The following CEACAM16 variants were observed in gnomAD, a reference collection of about 807,000 sequenced individuals.
The protein encoded by CEACAM16 is CEA cell adhesion molecule 16, tectorial membrane component.
A neutral mutation model predicts 39.4 loss-of-function variants in CEACAM16; 30 were observed. The ratio of observed to expected loss-of-function variants is 0.76; its 90% CI spans 0.57 to 1.03. The LOEUF is 1.03. Among genes scored for constraint, CEACAM16 ranks in the 50% least tolerant of loss-of-function variants. The pLI, the probability that CEACAM16 is intolerant of heterozygous loss-of-function variation, is 0.00. For missense variants in CEACAM16, 521 were observed against 585.3 expected, an observed-to-expected ratio of 0.89 and a Z score of 1.13; for synonymous variants, 262 against 264.9, an observed-to-expected ratio of 0.99 and a Z score of 0.11.
chr19:44,707,374 A>G (rs766767587), intron 5 of CEACAM16, among the ~76,000 whole-genome samples: 18 of 152,120 alleles, frequency 1.2e-4, no homozygotes, highest in Non-Finnish European at 1.9e-4. Context: ...GGAATTTTCA[A>G]TCTGATGGAG....
chr19:44,702,496 C>T (rs1974362864), intron 2 of CEACAM16, among the ~76,000 whole-genome samples: 2 of 152,254 alleles, frequency 1.3e-5, no homozygotes, highest in African/African-American at 4.8e-5. Flanking sequence ...GCTGGCCAGC[C>T]ATGTCAGTCC....
Position 44,703,248 on chromosome 19 carries a change from A to C in CEACAM16, c.38-101A>C. The C allele has an allele frequency of 4.8e-6, 5 of 1,051,630 alleles. No individual in the cohort carries two copies. The South Asian group carries it at 8.1e-5, about 17-fold the overall frequency. The allele number at this position is 1,051,630 out of a possible 1,614,324, so 65.1% of individuals were successfully genotyped here. On this transcript the variant is annotated intron_variant, in intron 2 of 6. Transcript: ENST00000587331. ...GCCTGTCCTCATTTACACAGAGGAC[A>C]CTGGGCTGGGGACATGCCCCGAGCC... is the stretch of plus-strand genomic sequence containing the variant.
intron 4 of CEACAM16, 83 bp downstream of exon 4, chr19:44,704,379 G>A (rs1209106765): frequency 4.9e-6 from 7 of 1,415,286 alleles, no homozygotes; most frequent in Non-Finnish European, 9.3e-7. Flanking sequence ...GGGGGCCTAA[G>A]GGCACACAGC....
Position 44,701,336 on chromosome 19 carries a change from G to A in CEACAM16, c.-96-25G>A, listed in dbSNP as rs769516325. 67 of 1,072,658 alleles carry A rather than the reference G, an allele frequency of 6.2e-5. No individual in the cohort carries two copies. Among genetic ancestry groups the A allele is most frequent in the Non-Finnish European group, 8.8e-5 (63 of 711,920 alleles). 66.4% of individuals were successfully genotyped at this position (1,072,658 alleles called of 1,614,324 possible). On this transcript the variant is annotated intron_variant, in intron 1 of 6. Coordinates refer to ENST00000587331, the MANE Select transcript of CEACAM16 (RefSeq NM_001039213.4). This position sits in a 1 kb window ranked among gnomAD's most constrained non-coding sequence, Gnocchi z 4.0. ...CTCCAAATTCAGGTGATCTCCCCTG[G>A]CTCCAAATCACCAAACCCTCCCAGG...
At position 44,701,513 on chromosome 19, in the gene CEACAM16, C is replaced by G; in HGVS notation, c.37+20C>G. The G allele has an allele frequency of 6.4e-7, 1 of 1,558,904 alleles. No individual in the cohort carries two copies. The highest frequency in any genetic ancestry group is 8.7e-7 in the Non-Finnish European group (1 of 1,151,130). On this transcript the variant is annotated intron_variant, in intron 2 of 6. Coordinates refer to ENST00000587331, the MANE Select transcript of CEACAM16 (RefSeq NM_001039213.4). This position sits in a 1 kb window ranked among gnomAD's most constrained non-coding sequence, Gnocchi z 4.0. ...TCAGTGGTGAGCGAGAATGGCACCC[C>G]CCAGCACCTCAGCCCCCCGAGGACC...
chr19:44,707,576 G>A (rs1244749118), intron 5 of CEACAM16, among the ~76,000 whole-genome samples: 3 of 152,186 alleles, frequency 2.0e-5, no homozygotes, highest in Admixed American at 2.0e-4. Flanking sequence ...CAATCTGATG[G>A]AGGAGACATG....
rs573166898 is a variant in CEACAM16, at chr19:44,701,089, G to A, written c.-96-272G>A. On this transcript the variant is annotated intron_variant, in intron 1 of 6. Transcript: ENST00000587331. This position sits in a 1 kb window ranked among gnomAD's most constrained non-coding sequence, Gnocchi z 4.0. ...CTCCCAGGCTCTCTGAGGAGGCCAC[G>A]GGCCTGGGTGGTTGGTAAGAACTAC... Among the ~76,000 whole-genome samples the A allele has an allele frequency of 1.0e-3, 153 of 152,310 alleles. 1 individual carries two copies. Among genetic ancestry groups the A allele is most frequent in the African/African-American group, 3.5e-3 (147 of 41,564 alleles).
Position 44,708,140 on chromosome 19 carries a change from C to T in CEACAM16, c.1220C>T (p.Thr407Ile). 6.2e-7 allele frequency: 1 copy of T among 1,602,794 alleles called. No homozygotes were observed. Among genetic ancestry groups the T allele is most frequent in the Non-Finnish European group, 8.5e-7 (1 of 1,173,682 alleles). The change falls in exon 6 of 7, where the codon ACA (threonine) becomes ATA (isoleucine). Residue 407 changes from threonine (T) to isoleucine (I), a missense_variant. By Grantham distance (89) the Thr-to-Ile change is moderately conservative. Transcript: ENST00000587331. ...GGCCGCTACACACTCAAGACTGTCACAGTGCAGGGCAAGACTGAGACACTG... is the reference window on the plus strand; with the variant it reads ...GGCCGCTACACACTCAAGACTGTCATAGTGCAGGGCAAGACTGAGACACTG... The part of the protein sequence containing the change: ...DTGRYTLKTV[T>I]VQGKTETLEV...
chr19:44,709,932 G>A (rs1256890836), intron 6 of CEACAM16, among the ~76,000 whole-genome samples: 1 of 152,236 alleles, frequency 6.6e-6, no homozygotes, highest in African/African-American at 2.4e-5. Context: ...CCCAGAGTCA[G>A]GGTCCATGTA....
Position 44,705,737 on chromosome 19 carries a change from C to T in CEACAM16, c.809C>T (p.Ala270Val), listed in dbSNP as rs780346265. The change falls in exon 5 of 7, where the codon GCC becomes GTC. Residue 270 changes from alanine to valine, a missense_variant. Ala to Val is a moderately conservative substitution (Grantham distance 64). Transcript: ENST00000587331. ...TATGTGTGGACCTTCAACGGGCAGG[C>T]CCTAAAGAACGGCCAAGACCACCTC... ...PEYVWTFNGQALKNGQDHLNI... is the reference protein window; with the variant it reads ...PEYVWTFNGQVLKNGQDHLNI... The T allele has an allele frequency of 2.5e-6, 4 of 1,614,028 alleles. No homozygotes were observed. The Middle Eastern group carries it at 4.9e-4, about 200-fold the overall frequency.
Position 44,703,681 on chromosome 19 carries a change from G to T in CEACAM16, c.370G>T (p.Val124Leu), listed in dbSNP as rs577689341. Residue 124 changes from valine (V) to leucine (L), a missense_variant, in exon 3 of 7, where the codon GTG (valine) becomes TTG (leucine). Val to Leu is a conservative substitution (Grantham distance 32). Coordinates refer to ENST00000587331, the MANE Select transcript of CEACAM16 (RefSeq NM_001039213.4). ...GCAGACCGAGGTGGGCTACGGACACGTGCAGGTCCATGGTGAGACACCCCC... is the reference window on the plus strand; with the variant it reads ...GCAGACCGAGGTGGGCTACGGACACTTGCAGGTCCATGGTGAGACACCCCC... Reference protein sequence around the residue: ...QLQTEVGYGHVQVHEILAQPT... With the variant: ...QLQTEVGYGHLQVHEILAQPT... The T allele has an allele frequency of 6.5e-7, 1 of 1,540,602 alleles. No individual in the cohort carries two copies. The highest frequency in any genetic ancestry group is 8.8e-7 in the Non-Finnish European group (1 of 1,138,272).
At position 44,707,853 on chromosome 19, in the gene CEACAM16, C is replaced by T. The variant is rs876657441; in HGVS notation, c.941-8C>T. ...CAAACTGACCCAGCCCGCTCGCTCTCTCCCCAGCTGCAGCAGTTGCCACGA... is the reference window on the plus strand; with the variant it reads ...CAAACTGACCCAGCCCGCTCGCTCTTTCCCCAGCTGCAGCAGTTGCCACGA... On this transcript the variant is annotated splice_region_variant and splice_polypyrimidine_tract_variant and intron_variant, in intron 5 of 6. Transcript: ENST00000587331. The T allele has an allele frequency of 1.3e-6, 2 of 1,530,120 alleles. No individual in the cohort carries two copies. The highest frequency in any genetic ancestry group is 2.7e-5 in the African/African-American group (2 of 73,400). The allele number at this position is 1,530,120 out of a possible 1,614,324, so 94.8% of individuals were successfully genotyped here.
In CEACAM16 at chr19:44,708,204, G is replaced by T; in HGVS notation, c.1267+17G>T. On this transcript the variant is annotated intron_variant, in intron 6 of 6. Coordinates refer to ENST00000587331, the MANE Select transcript of CEACAM16 (RefSeq NM_001039213.4). The stretch of plus-strand genomic sequence containing the variant: ...AGGTGGCCCGTGAGTGTGTGGGAAG[G>T]GGCAAGGCGTGCCCCTTTTTAGACA... 1 of 1,528,720 alleles carries T rather than the reference G, an allele frequency of 6.5e-7. No individual in the cohort carries two copies. The highest frequency in any genetic ancestry group is 1.2e-5 in the South Asian group (1 of 82,070). 94.7% of individuals were successfully genotyped at this position (1,528,720 alleles called of 1,614,324 possible).
intron 5 of CEACAM16, 97 bp downstream of exon 5, chr19:44,705,965 A>G (rs969706924): frequency 1.9e-5 from 26 of 1,372,038 alleles, no homozygotes; most frequent in African/African-American, 2.9e-5. Flanking sequence ...GAATTGGAAC[A>G]TGGTAGATTC....
intron 2 of CEACAM16, among the ~76,000 whole-genome samples, chr19:44,702,047 C>T (rs1974355553): frequency 6.6e-6 from 1 of 152,136 alleles, no homozygotes; most frequent in African/African-American, 2.4e-5. Context: ...AATCCCAGCA[C>T]TTTGGGAGGC....
intron 5 of CEACAM16, among the ~76,000 whole-genome samples, chr19:44,707,306 C>T (rs574692471): frequency 1.3e-5 from 2 of 152,294 alleles, no homozygotes; most frequent in South Asian, 4.1e-4. Context: ...ATTGGAAAAA[C>T]TCAGCAACAA....
intron 5 of CEACAM16, among the ~76,000 whole-genome samples, chr19:44,706,700 CA>C (rs1477644294): frequency 3.9e-5 from 6 of 152,166 alleles, no homozygotes; most frequent in Non-Finnish European, 8.8e-5. Context: ...TGACAGGAGA[CA>C]GGGGGATGGA....
chr19:44,704,202 T>G lies in CEACAM16; in HGVS notation c.567T>G (p.His189Gln). ...CTGACGGCCGGGTGCTGGCCAGGCA[T>G]GGCATCCGCCGGGAGGAGGCCGGCG... ...LSPDGRVLAR[H>Q]GIRREEAGAY... Residue 189 changes from histidine (H) to glutamine (Q), a missense_variant, in exon 4 of 7, where the codon CAT becomes CAG. By Grantham distance (24) the His-to-Gln change is conservative. Transcript: ENST00000587331. The G allele has an allele frequency of 2.6e-6, 4 of 1,560,006 alleles. No individual in the cohort carries two copies. The highest frequency in any genetic ancestry group is 1.9e-5 in the Admixed American group (1 of 52,356).
At position 44,703,675 on chromosome 19, in the gene CEACAM16, G is replaced by T; in HGVS notation, c.364G>T (p.Gly122Ter). 6.4e-7 allele frequency: 1 copy of T among 1,554,650 alleles called. No individual in the cohort carries two copies. The highest frequency in any genetic ancestry group is 8.7e-7 in the Non-Finnish European group (1 of 1,146,680). ...GCAGTTGCAGACCGAGGTGGGCTACGGACACGTGCAGGTCCATGGTGAGAC... is the reference window on the plus strand; with the variant it reads ...GCAGTTGCAGACCGAGGTGGGCTACTGACACGTGCAGGTCCATGGTGAGAC... ...NRQLQTEVGY[G>*]HVQVHEILAQ... Residue 122 changes from glycine to a stop codon, truncating the protein, a stop_gained, in exon 3 of 7, where the codon GGA becomes TGA. Coordinates refer to ENST00000587331, the MANE Select transcript of CEACAM16 (RefSeq NM_001039213.4). LOFTEE classifies it high-confidence loss of function.
Sources: gnomAD v4.1 joint callset for allele counts (sites outside exome capture counted in the v4.1 genomes callset) on GRCh38, gnomAD v4.1.1 for gene constraint, Gnocchi (gnomAD v3.1) non-coding constraint, MANE v1.5 for transcripts, NCBI Gene and HGNC (gene_info 2026-07-23, HGNC 2026-07-21) for gene names.